The following AGBL4 variants were observed in gnomAD, a reference collection of about 807,000 sequenced individuals.
AGBL4 encodes the protein AGBL carboxypeptidase 4.
In AGBL4, 58 loss-of-function variants were observed where a neutral mutation model predicts 66.4. The observed-to-expected ratio is 0.87, with a 90% CI of 0.71 to 1.09. The LOEUF (loss-of-function observed/expected upper bound fraction) is 1.09. Ranked by LOEUF, AGBL4 falls within the 50% of genes least tolerant of loss-of-function variation. The probability of loss-of-function intolerance (pLI) is 0.00; values close to 1 mark genes in which losing one functional copy is unlikely to be tolerated. For missense variants in AGBL4, 579 were observed against 631.0 expected, an observed-to-expected ratio of 0.92 and a Z score of 0.88; for synonymous variants, 234 against 222.9, an observed-to-expected ratio of 1.05 and a Z score of -0.44.
At chr1:49,971,462 C>T (rs1658076082) in intron 1 of AGBL4, among the ~76,000 whole-genome samples, 1 of 151,824 alleles carries the variant, frequency 6.6e-6, no homozygotes, top group African/African-American at 2.4e-5. Flanking sequence ...TCATAAAATG[C>T]CAAAAAGAAG....
chr1:48,774,610 C>T (rs1279112454), intron 6 of AGBL4, among the ~76,000 whole-genome samples: 1 of 152,080 alleles, frequency 6.6e-6, no homozygotes, highest in East Asian at 1.9e-4. Context: ...TTTAAATAAC[C>T]ATACAGATTT....
intron 2 of AGBL4, among the ~76,000 whole-genome samples, chr1:49,804,970 G>C (rs1176099177): frequency 6.6e-6 from 1 of 152,122 alleles, no homozygotes; most frequent in African/African-American, 2.4e-5. Flanking sequence ...CCTGACATAT[G>C]ACTCTAAAGC....
Position 49,816,240 on chromosome 1 carries a change from A to G in AGBL4, c.157+35156T>C, listed in dbSNP as rs74486827. The stretch of plus-strand genomic sequence containing the variant: ...CTACTTTACAGATACAACCAGAATA[A>G]TACCATCATAATTAGAGTATGCTTT... On this transcript the variant is annotated intron_variant, in intron 2 of 13. Coordinates refer to ENST00000371839, the MANE Select transcript of AGBL4 (RefSeq NM_032785.4). Among the ~76,000 whole-genome samples the G allele has an allele frequency of 2.6e-3, 394 of 152,206 alleles. 5 individuals are homozygous for G. Among genetic ancestry groups the G allele is most frequent in the African/African-American group, 8.9e-3 (370 of 41,524 alleles).
chr1:48,854,315 C>G (rs1357767217), intron 6 of AGBL4, among the ~76,000 whole-genome samples: 1 of 152,190 alleles, frequency 6.6e-6, no homozygotes, highest in African/African-American at 2.4e-5. Flanking sequence ...GTGGTCTGCT[C>G]TCCCCAGGGC....
At chr1:48,901,984 A>G (rs982012044) in intron 5 of AGBL4, among the ~76,000 whole-genome samples, 7 of 152,196 alleles carry the variant, frequency 4.6e-5, no homozygotes, top group Admixed American at 4.6e-4. Context: ...CACGTCTTAC[A>G]TGGCAGCAGA....
chr1:49,851,626 C>A, intron 1 of AGBL4, 108 bp from the exon 2 acceptor site: 4 of 1,151,348 alleles, frequency 3.5e-6, no homozygotes, highest in Non-Finnish European at 4.8e-6. Flanking sequence ...TTAACCCAAG[C>A]AAAAAGAAGT....
chr1:49,093,845 A>G (rs888343535), intron 4 of AGBL4, among the ~76,000 whole-genome samples: 1 of 152,164 alleles, frequency 6.6e-6, no homozygotes, highest in African/African-American at 2.4e-5. Context: ...AAAAATGTCT[A>G]TCTAGACTCT....
At chr1:49,066,040 TA>T (rs1163282933) in intron 4 of AGBL4, among the ~76,000 whole-genome samples, 1 of 151,940 alleles carries the variant, frequency 6.6e-6, no homozygotes, top group Non-Finnish European at 1.5e-5. Flanking sequence ...GTTATTGCTG[TA>T]AGGGGAAAAA....
chr1:48,790,342 G>A (rs1395893852), intron 6 of AGBL4, among the ~76,000 whole-genome samples: 2 of 149,434 alleles, frequency 1.3e-5, no homozygotes, highest in East Asian at 4.0e-4. Flanking sequence ...AGACACAAAT[G>A]AAGAAAGGCA....
chr1:49,744,170 G>A (rs1007901576), intron 2 of AGBL4, among the ~76,000 whole-genome samples: 1 of 152,166 alleles, frequency 6.6e-6, no homozygotes, highest in African/African-American at 2.4e-5. Flanking sequence ...GTGGATTGGA[G>A]GTGGTTGGAT....
chr1:48,906,641 A>G (rs1291198929), intron 5 of AGBL4, among the ~76,000 whole-genome samples: 2 of 152,158 alleles, frequency 1.3e-5, no homozygotes, highest in African/African-American at 2.4e-5. Context: ...TGGTAATGAC[A>G]TTGTATGCAG....
intron 1 of AGBL4, among the ~76,000 whole-genome samples, chr1:49,883,024 C>T (rs1423492859): frequency 4.6e-5 from 7 of 152,098 alleles, no homozygotes; most frequent in African/African-American, 1.2e-4. Flanking sequence ...TTTAACATGG[C>T]TTTAATAAAC....
chr1:49,944,687 C>A (rs927018296), intron 1 of AGBL4, among the ~76,000 whole-genome samples: 1 of 151,748 alleles, frequency 6.6e-6, no homozygotes, highest in African/African-American at 2.4e-5. Context: ...AGCTCACCAG[C>A]AATGGATCAA....
chr1:48,841,418 A>T (rs865866219), intron 6 of AGBL4, among the ~76,000 whole-genome samples: 56 of 136,872 alleles, frequency 4.1e-4, no homozygotes, highest in African/African-American at 1.5e-3. Context: ...CCCCCAAAAA[A>T]AAAGAAGAGA....
intron 1 of AGBL4, among the ~76,000 whole-genome samples, chr1:49,938,431 G>A (rs971080944): frequency 2.0e-5 from 3 of 152,150 alleles, no homozygotes; most frequent in Non-Finnish European, 4.4e-5. Context: ...GGAGGAACTG[G>A]TACCATTCTT....
intron 3 of AGBL4, among the ~76,000 whole-genome samples, chr1:49,394,658 A>G (rs575721671): frequency 6.6e-6 from 1 of 152,342 alleles, no homozygotes; most frequent in South Asian, 2.1e-4. Flanking sequence ...GAGAATTTCC[A>G]TGGCAAAGAT....
intron 3 of AGBL4, among the ~76,000 whole-genome samples, chr1:49,361,414 C>A (rs957496872): frequency 6.6e-6 from 1 of 152,102 alleles, no homozygotes; most frequent in Non-Finnish European, 1.5e-5. Flanking sequence ...CAACCTCCGC[C>A]TCCTGGTTCA....
intron 3 of AGBL4, among the ~76,000 whole-genome samples, chr1:49,251,982 C>A (rs1557768288): frequency 6.6e-6 from 1 of 152,144 alleles, no homozygotes. Flanking sequence ...ACGCTGAAAA[C>A]TCAAAAAGCC....
At chr1:49,121,539 C>A (rs946532317) in intron 4 of AGBL4, among the ~76,000 whole-genome samples, 8 of 152,186 alleles carry the variant, frequency 5.3e-5, no homozygotes, top group African/African-American at 1.9e-4. Flanking sequence ...GCAGAGGCTG[C>A]AGAACAGCAA....
Sources: gnomAD v4.1 joint callset for allele counts (sites outside exome capture counted in the v4.1 genomes callset) on GRCh38, gnomAD v4.1.1 for gene constraint, MANE v1.5 for transcripts, NCBI Gene and HGNC (gene_info 2026-07-23, HGNC 2026-07-21) for gene names.